The following SH3KBP1 variants were observed in gnomAD, a reference collection of about 807,000 sequenced individuals.
SH3KBP1 encodes SH3 domain containing kinase binding protein 1, also known as SH3 domain-containing kinase-binding protein 1.
In SH3KBP1, 8 loss-of-function variants were observed where a neutral mutation model predicts 50.1. The ratio of observed to expected loss-of-function variants is 0.16; its 90% CI spans 0.09 to 0.29. The LOEUF (loss-of-function observed/expected upper bound fraction) is 0.29, where lower values mean the gene tolerates loss of function less well. SH3KBP1 is among the 10% of genes least tolerant of loss of function. SH3KBP1 has a pLI of 1.00. For synonymous variants in SH3KBP1, 227 were observed against 218.6 expected (o/e 1.04, Z -0.34); for missense variants, 377 against 535.2 (o/e 0.70, Z 2.92).
At chrX:19,667,879 C>T (rs12009910) in intron 6 of SH3KBP1, among the ~76,000 whole-genome samples, 2,149 of 99,150 alleles carry the variant, frequency 0.022, 77 homozygotes, top group African/African-American at 0.077. Context: ...ACAAAACTAG[C>T]CAGAATTAAG....
rs1569410698 is a variant in SH3KBP1, at chrX:19,674,506, G to C, written c.726+9317C>G. 4.5e-5 allele frequency among the ~76,000 whole-genome samples: 5 copies of C among 112,274 alleles called. No individual in the cohort carries two copies. The South Asian group carries it at 1.8e-3, about 41-fold the overall frequency. On this transcript the variant is annotated intron_variant, in intron 6 of 17. Coordinates refer to ENST00000397821, the MANE Select transcript of SH3KBP1 (RefSeq NM_031892.3). ...AGTGAATTAATGAACAAATGGAAGA[G>C]TGAATCTTAGCTAGACCACAAGCAG... is the stretch of plus-strand genomic sequence containing the variant.
At chrX:19,802,084 G>A (rs185390060) in intron 2 of SH3KBP1, among the ~76,000 whole-genome samples, 2,408 of 108,204 alleles carry the variant, frequency 0.022, 82 homozygotes, top group African/African-American at 0.077. Flanking sequence ...TCTCGGGGAG[G>A]GGTGGCCAGT....
At chrX:19,726,350 T>C (rs1294477547) in intron 3 of SH3KBP1, among the ~76,000 whole-genome samples, 1 of 111,684 alleles carries the variant, frequency 9.0e-6, no homozygotes, top group African/African-American at 3.3e-5. Context: ...TGAGCCTTGC[T>C]TTTTCCAACT....
intron 9 of SH3KBP1, among the ~76,000 whole-genome samples, chrX:19,607,040 C>T (rs1387734742): frequency 8.9e-6 from 1 of 112,880 alleles, no homozygotes; most frequent in East Asian, 2.8e-4. Context: ...CAATTACATC[C>T]ATTCATCAAA....
chrX:19,675,983 G>A (rs1176043343), intron 6 of SH3KBP1, among the ~76,000 whole-genome samples: 1 of 111,627 alleles, frequency 9.0e-6, no homozygotes, highest in African/African-American at 3.3e-5. Flanking sequence ...GCCAAAGTCT[G>A]AAAATCCCAA....
intron 1 of SH3KBP1, 130 bp downstream of exon 1, chrX:19,887,177 G>A (rs2069617573): frequency 1.9e-6 from 1 of 525,582 alleles, no homozygotes; most frequent in Non-Finnish European, 2.6e-6. Flanking sequence ...AGGCAGGCGA[G>A]GGCGCCCACC....
chrX:19,577,351 G>C (rs948630133), intron 12 of SH3KBP1, among the ~76,000 whole-genome samples: 6 of 111,895 alleles, frequency 5.4e-5, no homozygotes, highest in African/African-American at 2.0e-4. Context: ...CCAGGCTGGG[G>C]ATCTGGCCTT....
intron 12 of SH3KBP1, among the ~76,000 whole-genome samples, chrX:19,579,453 G>A (rs1029592308): frequency 8.9e-6 from 1 of 112,201 alleles, no homozygotes; most frequent in African/African-American, 3.2e-5. Context: ...AGAAAAGTTT[G>A]CAGGGTGCCG....
At chrX:19,883,641 T>C in intron 1 of SH3KBP1, among the ~76,000 whole-genome samples, 1 of 110,889 alleles carries the variant, frequency 9.0e-6, no homozygotes, top group Non-Finnish European at 1.9e-5. Context: ...CAGAAACAAT[T>C]CCCTAGAAAA....
rs1015925214 is a variant in SH3KBP1, at chrX:19,659,719, G to A, written c.727-14244C>T. Among the ~76,000 whole-genome samples the A allele has an allele frequency of 2.7e-5, 3 of 112,636 alleles. No homozygotes were observed. In the Admixed American group the frequency reaches 2.8e-4, roughly 11 times the overall value. ...AGTAAGACATATTCAACAATGAGGG[G>A]TAAACCCATATTGTATGCCTTTCAC... is the stretch of plus-strand genomic sequence containing the variant. On this transcript the variant is annotated intron_variant, in intron 6 of 17. Coordinates refer to ENST00000397821, the MANE Select transcript of SH3KBP1 (RefSeq NM_031892.3).
At chrX:19,702,512 C>T (rs1342765348) in intron 4 of SH3KBP1, among the ~76,000 whole-genome samples, 1 of 110,894 alleles carries the variant, frequency 9.0e-6, no homozygotes, top group Non-Finnish European at 1.9e-5. Context: ...CCATAAAGAA[C>T]ACATAAAAGC....
chrX:19,757,562 C>CAAAAA (rs35710169), intron 2 of SH3KBP1, among the ~76,000 whole-genome samples: 1 of 78,471 alleles, frequency 1.3e-5, no homozygotes, highest in Non-Finnish European at 2.6e-5. Context: ...TATCTTATGT[C>CAAAAA]AAAAAAAAAA....
chrX:19,545,178 T>C (rs771741678), intron 15 of SH3KBP1, among the ~76,000 whole-genome samples: 1 of 112,426 alleles, frequency 8.9e-6, no homozygotes, highest in Non-Finnish European at 1.9e-5. Context: ...TGACTATAGT[T>C]TTCTGCTTTT....
chrX:19,695,195 C>G (rs2063385743), intron 5 of SH3KBP1: 1 of 473,167 alleles, frequency 2.1e-6, no homozygotes, highest in Non-Finnish European at 3.6e-6. Flanking sequence ...TAGCACTTCA[C>G]TTCTCACCAC....
chrX:19,866,939 TGGCTTTCTCGGTCGCCTCAACC>T (rs934464808), intron 1 of SH3KBP1, among the ~76,000 whole-genome samples: 22 of 110,096 alleles, frequency 2.0e-4, no homozygotes, highest in African/African-American at 7.0e-4. Flanking sequence ...TGAGTAGTGC[TGGCTTTCTCGGTCGCCTCAACC>T]ATAGCCAACA....
chrX:19,662,254 A>C (rs1023429569), intron 6 of SH3KBP1, among the ~76,000 whole-genome samples: 1 of 112,019 alleles, frequency 8.9e-6, no homozygotes, highest in African/African-American at 3.2e-5. Flanking sequence ...TAGATGACGT[A>C]ATTTCCAATT....
At chrX:19,608,354 G>A (rs2148113630) in intron 8 of SH3KBP1, among the ~76,000 whole-genome samples, 2 of 101,474 alleles carry the variant, frequency 2.0e-5, no homozygotes, top group South Asian at 9.4e-4. Context: ...TGTCGCCCAG[G>A]CTGGAGTGCA....
chrX:19,887,261 C>A, intron 1 of SH3KBP1, 46 bp downstream of exon 1: 1 of 968,746 alleles, frequency 1.0e-6, no homozygotes, highest in South Asian at 3.7e-5. Context: ...GGCGCGCCGC[C>A]CTCAAGGCTG....
At chrX:19,712,600 T>C (rs2063802671) in intron 3 of SH3KBP1, among the ~76,000 whole-genome samples, 1 of 111,407 alleles carries the variant, frequency 9.0e-6, no homozygotes, top group African/African-American at 3.3e-5. Flanking sequence ...CAACGGTTGC[T>C]AAAACCACTG....
Sources: allele counts gnomAD v4.1 joint callset (sites outside exome capture counted in the v4.1 genomes callset), GRCh38; gene constraint gnomAD v4.1.1; transcripts MANE v1.5; gene names NCBI Gene and HGNC (gene_info 2026-07-23, HGNC 2026-07-21).